The following ZNF385D variants were observed in gnomAD, a reference collection of about 807,000 sequenced individuals.
ZNF385D encodes the protein zinc finger protein 659.
ZNF385D carries 15 observed loss-of-function variants against 35.8 expected under a neutral mutation model. That is an observed-to-expected ratio of 0.42 (90% CI 0.28 to 0.64). The LOEUF (loss-of-function observed/expected upper bound fraction) is 0.64. ZNF385D is among the 30% of genes least tolerant of loss of function. The pLI is 0.23. For missense variants in ZNF385D, 474 were observed against 494.6 expected, an observed-to-expected ratio of 0.96 and a Z score of 0.39; for synonymous variants, 212 against 186.8, an observed-to-expected ratio of 1.13 and a Z score of -1.10.
chr3:21,553,836 A>C (rs1371762347), intron 3 of ZNF385D, among the ~76,000 whole-genome samples: 2 of 152,134 alleles, frequency 1.3e-5, no homozygotes, highest in African/African-American at 2.4e-5. Context: ...GCTCATTCAA[A>C]AGAAGCATCT....
At chr3:21,662,527 A>G (rs1443214209) in intron 2 of ZNF385D, among the ~76,000 whole-genome samples, 3 of 152,194 alleles carry the variant, frequency 2.0e-5, no homozygotes, top group Non-Finnish European at 4.4e-5. Flanking sequence ...CATATCTGCT[A>G]TAAAATCAAG....
At chr3:22,097,464 C>G (rs1253654905) in intron 3 of ZNF385D, among the ~76,000 whole-genome samples, 1 of 151,918 alleles carries the variant, frequency 6.6e-6, no homozygotes, top group Non-Finnish European at 1.5e-5. Context: ...TTATTGGAAA[C>G]TGGAAGAAAT....
chr3:22,072,766 G>A (rs3919888), intron 3 of ZNF385D, among the ~76,000 whole-genome samples: 1 of 151,670 alleles, frequency 6.6e-6, no homozygotes, highest in South Asian at 2.1e-4. Context: ...TTGAAGGTTG[G>A]GAGAAGGAAG....
In ZNF385D at chr3:21,768,096, C is replaced by A. The variant is rs551039180; in HGVS notation, c.326-103068G>T. Among the ~76,000 whole-genome samples the A allele has an allele frequency of 1.6e-4, 25 of 152,128 alleles. 1 individual carries two copies. The South Asian group carries it at 5.0e-3, about 30-fold the overall frequency. On this transcript the variant is annotated intron_variant, in intron 3 of 5. Transcript: ENST00000494108. ...TGTAATAACAGATATTAGGAGATAACTTAGTGGGATAGAGACACAAATGAA... is the reference window on the plus strand; with the variant it reads ...TGTAATAACAGATATTAGGAGATAAATTAGTGGGATAGAGACACAAATGAA...
chr3:21,638,887 A>G (rs980460676), intron 2 of ZNF385D, among the ~76,000 whole-genome samples: 1 of 152,092 alleles, frequency 6.6e-6, no homozygotes, highest in Non-Finnish European at 1.5e-5. Context: ...ATCTAGAGAA[A>G]TTTCCTCAGT....
At chr3:21,790,611 G>A (rs1303154316) in intron 3 of ZNF385D, among the ~76,000 whole-genome samples, 2 of 152,140 alleles carry the variant, frequency 1.3e-5, no homozygotes, top group Non-Finnish European at 2.9e-5. Context: ...TTTTTTGGAA[G>A]GGGAGGGTGA....
At chr3:22,070,341 A>C (rs901940633) in intron 3 of ZNF385D, among the ~76,000 whole-genome samples, 2 of 152,164 alleles carry the variant, frequency 1.3e-5, no homozygotes, top group African/African-American at 2.4e-5. Flanking sequence ...AATATATACT[A>C]CAGAGAAACG....
At chr3:21,425,463 T>C in intron 6 of ZNF385D, 29 bp downstream of exon 6, 2 of 1,547,748 alleles carry the variant, frequency 1.3e-6, no homozygotes, top group Non-Finnish European at 1.8e-6. Flanking sequence ...CCCTTGTTGG[T>C]TTTCATTCCT....
chr3:21,935,880 C>T (rs1205665823), intron 3 of ZNF385D, among the ~76,000 whole-genome samples: 2 of 152,154 alleles, frequency 1.3e-5, no homozygotes, highest in Admixed American at 6.5e-5. Context: ...GAATTGTTCA[C>T]ATCATGTAAA....
At chr3:22,353,188 G>A (rs751646603) in intron 2 of ZNF385D, among the ~76,000 whole-genome samples, 1 of 152,192 alleles carries the variant, frequency 6.6e-6, no homozygotes, top group East Asian at 1.9e-4. Context: ...GCCTGCCAGA[G>A]CTTCTTGCTA....
intron 3 of ZNF385D, among the ~76,000 whole-genome samples, chr3:22,040,698 G>A (rs1205529784): frequency 6.6e-6 from 1 of 152,132 alleles, no homozygotes; most frequent in Non-Finnish European, 1.5e-5. Flanking sequence ...TTGGTCTACA[G>A]TTTAGGGAAA....
intron 2 of ZNF385D, among the ~76,000 whole-genome samples, chr3:22,250,540 A>T (rs1173090454): frequency 1.3e-5 from 2 of 152,056 alleles, no homozygotes; most frequent in Non-Finnish European, 2.9e-5. Context: ...ACATAAGCAA[A>T]ATGTACTTTA....
chr3:21,481,597 T>C (rs1028393928), intron 4 of ZNF385D, among the ~76,000 whole-genome samples: 16 of 152,248 alleles, frequency 1.1e-4, no homozygotes, highest in Non-Finnish European at 2.2e-4. Flanking sequence ...TGTGTGATAT[T>C]AGCTCAGTAC....
intron 3 of ZNF385D, among the ~76,000 whole-genome samples, chr3:22,100,556 T>C (rs1456079546): frequency 2.0e-5 from 3 of 151,788 alleles, no homozygotes; most frequent in East Asian, 1.9e-4. Flanking sequence ...AAATTGGAAA[T>C]CATCCTTCTC....
chr3:21,930,012 A>G (rs1700921919), intron 3 of ZNF385D, among the ~76,000 whole-genome samples: 1 of 152,114 alleles, frequency 6.6e-6, no homozygotes, highest in Non-Finnish European at 1.5e-5. Flanking sequence ...GTAACGAAGA[A>G]TAAAGTACTC....
chr3:21,788,109 A>G (rs149370587), intron 3 of ZNF385D, among the ~76,000 whole-genome samples: 1 of 152,146 alleles, frequency 6.6e-6, no homozygotes, highest in African/African-American at 2.4e-5. Context: ...TAAAATTATG[A>G]TAGGAATAAT....
chr3:21,695,749 A>AAT (rs10662723), intron 1 of ZNF385D, among the ~76,000 whole-genome samples: 22,961 of 146,480 alleles, frequency 0.16, 1,870 homozygotes, highest in East Asian at 0.24. Flanking sequence ...GGTGCTGTTA[A>AAT]ATATATATTA....
chr3:22,117,314 C>G (rs1263449802), intron 3 of ZNF385D, among the ~76,000 whole-genome samples: 3 of 151,976 alleles, frequency 2.0e-5, no homozygotes, highest in Admixed American at 2.0e-4. Context: ...AATGTTCCTT[C>G]CAAGATAAGC....
chr3:22,368,256 CAGG>C (rs1696744763), intron 2 of ZNF385D, among the ~76,000 whole-genome samples: 2 of 152,128 alleles, frequency 1.3e-5, no homozygotes, highest in African/African-American at 4.8e-5. Flanking sequence ...ACTGGTTTAT[CAGG>C]AGGTTAGGAA....
Sources: allele counts gnomAD v4.1 joint callset (sites outside exome capture counted in the v4.1 genomes callset), GRCh38; gene constraint gnomAD v4.1.1; transcripts MANE v1.5; gene names NCBI Gene and HGNC (gene_info 2026-07-23, HGNC 2026-07-21).